The following PVR variants were observed in gnomAD, a reference collection of about 807,000 sequenced individuals.
PVR encodes the protein PVR cell adhesion molecule.
In PVR, 39 loss-of-function variants were observed where a neutral mutation model predicts 43.3. The observed-to-expected ratio is 0.90, with a 90% CI of 0.70 to 1.18. The LOEUF is 1.18. PVR is among the 50% of genes most tolerant of loss of function. The pLI is 0.00. For missense variants in PVR, 480 were observed against 549.7 expected (o/e 0.87, Z 1.27); for synonymous variants, 224 against 233.2 (o/e 0.96, Z 0.36).
intron 4 of PVR, among the ~76,000 whole-genome samples, chr19:44,656,212 T>C (rs890704850): frequency 6.6e-6 from 1 of 152,188 alleles, no homozygotes. Context: ...GTGGATGTCA[T>C]CAGTTATTTA....
At chr19:44,659,124 T>C in intron 6 of PVR, 1 of 461,078 alleles carries the variant, frequency 2.2e-6, no homozygotes, top group Non-Finnish European at 3.8e-6. Flanking sequence ...AATGCCATGG[T>C]AGGGACTTTG....
In PVR at chr19:44,666,131, T is replaced by C. The variant is rs1336025150; in HGVS notation, c.*4320T>C. 6.6e-6 allele frequency: 1 copy of C among 152,212 alleles called. No homozygotes were observed. Among genetic ancestry groups the C allele is most frequent in the African/African-American group, 2.4e-5 (1 of 41,442 alleles). The allele number at this position is 152,212 out of a possible 1,614,324, so 9.4% of individuals were successfully genotyped here. On this transcript the variant is annotated 3_prime_UTR_variant, in exon 8 of 8. Transcript: ENST00000425690. ...TAAGTACTGTCTACAAGTTCTGCAATAAACCTTGACTCTTCTTTTAATAAT... is the reference window on the plus strand; with the variant it reads ...TAAGTACTGTCTACAAGTTCTGCAACAAACCTTGACTCTTCTTTTAATAAT...
chr19:44,646,654 C>A (rs1973122079), intron 1 of PVR, among the ~76,000 whole-genome samples: 1 of 152,072 alleles, frequency 6.6e-6, no homozygotes. Flanking sequence ...AGCCTGTCAT[C>A]CCAGCTACGC....
At position 44,658,745 on chromosome 19, in the gene PVR, G is replaced by A. The variant is rs1973518998; in HGVS notation, c.995G>A (p.Gly332Glu). Residue 332 changes from glycine (G) to glutamate (E), a missense_variant, in exon 6 of 8, where the codon GGA (glycine) becomes GAA (glutamate). Coordinates refer to ENST00000425690, the MANE Select transcript of PVR (RefSeq NM_006505.5). ...TACCTGTTTCCTTCTCTTTCAGAGG[G>A]ACCTCCCAGTGAGCACTCAGGCATG... is the stretch of plus-strand genomic sequence containing the variant. ...QAELTVQVKEGPPSEHSGMSR... is the reference protein window; with the variant it reads ...QAELTVQVKEEPPSEHSGMSR... 2 of 1,604,836 alleles carry A rather than the reference G, an allele frequency of 1.2e-6. No individual in the cohort carries two copies. Among genetic ancestry groups the A allele is most frequent in the Admixed American group, 3.4e-5 (2 of 59,554 alleles).
chr19:44,649,766 AG>A, intron 2 of PVR, 42 bp from the exon 3 acceptor site: 1 of 1,598,792 alleles, frequency 6.3e-7, no homozygotes, highest in Non-Finnish European at 8.5e-7. Context: ...TCTGCCACGG[AG>A]GGGTTCATTG....
At position 44,665,309 on chromosome 19, in the gene PVR, T is replaced by A; in HGVS notation, c.*3498T>A. The A allele has an allele frequency of 6.6e-6, 1 of 152,076 alleles. No homozygotes were observed. The allele number at this position is 152,076 out of a possible 1,614,324, so 9.4% of individuals were successfully genotyped here. A position where few individuals can be genotyped will look rare whatever the true frequency, so the allele number is the denominator to read the frequency against. On this transcript the variant is annotated 3_prime_UTR_variant, in exon 8 of 8. Coordinates refer to ENST00000425690, the MANE Select transcript of PVR (RefSeq NM_006505.5). The stretch of plus-strand genomic sequence containing the variant: ...TCCCAGAAGCCTCTGGGTTGCAGAT[T>A]GCTTGGGGTGAAAATGTCTGTGCTA...
In PVR at chr19:44,654,566, G is replaced by A. The variant is rs912576859; in HGVS notation, c.842+549G>A. 9.2e-5 allele frequency among the ~76,000 whole-genome samples: 14 copies of A among 152,294 alleles called. 1 individual carries two copies. The highest frequency in any genetic ancestry group is 3.4e-4 in the African/African-American group (14 of 41,552). ...CCCGAATCCCATGTGACCCCATGCT[G>A]TGCACAGTCAGCAGCTGTTGCCCTG... On this transcript the variant is annotated intron_variant, in intron 4 of 7. Coordinates refer to ENST00000425690, the MANE Select transcript of PVR (RefSeq NM_006505.5).
At position 44,661,282 on chromosome 19, in the gene PVR, A is replaced by T; in HGVS notation, c.1151-10A>T. The T allele has an allele frequency of 6.2e-7, 1 of 1,612,716 alleles. No homozygotes were observed. The highest frequency in any genetic ancestry group is 8.5e-7 in the Non-Finnish European group (1 of 1,178,928). Reference sequence around the variant, plus strand: ...TTCCTTCCTGACGACTTCCCCTCCTATTTCCCCAGGTACAGAGCATGCCAG... The same window carrying T: ...TTCCTTCCTGACGACTTCCCCTCCTTTTTCCCCAGGTACAGAGCATGCCAG... On this transcript the variant is annotated splice_polypyrimidine_tract_variant and intron_variant, in intron 6 of 7. Coordinates refer to ENST00000425690, the MANE Select transcript of PVR (RefSeq NM_006505.5).
At position 44,644,082 on chromosome 19, in the gene PVR, C is replaced by T; in HGVS notation, c.-15C>T. The T allele has an allele frequency of 4.0e-6, 6 of 1,507,390 alleles. No individual in the cohort carries two copies. Among genetic ancestry groups the T allele is most frequent in the Non-Finnish European group, 5.3e-6 (6 of 1,134,578 alleles). The allele number at this position is 1,507,390 out of a possible 1,614,324, so 93.4% of individuals were successfully genotyped here. A position where few individuals can be genotyped will look rare whatever the true frequency, so the allele number is the denominator to read the frequency against. On this transcript the variant is annotated 5_prime_UTR_variant, in exon 1 of 8. Coordinates refer to ENST00000425690, the MANE Select transcript of PVR (RefSeq NM_006505.5). ...GAGACGCCCGCGGGAGGCCCAGCTG[C>T]TCGGAGCAACTGGCATGGCCCGAGC...
At chr19:44,645,380 G>C in intron 1 of PVR, among the ~76,000 whole-genome samples, 1 of 109,044 alleles carries the variant, frequency 9.2e-6, no homozygotes, top group African/African-American at 3.8e-5. Context: ...AGAGTAAATA[G>C]ATAACATATT....
intron 5 of PVR, 109 bp from the exon 6 acceptor site, chr19:44,658,633 T>A (rs575224099): frequency 1.0e-6 from 1 of 958,556 alleles, no homozygotes; most frequent in East Asian, 2.4e-5. Flanking sequence ...TTAAATAGAC[T>A]GAGGCAGTGG....
At chr19:44,650,820 C>A (rs1316787108) in intron 3 of PVR, among the ~76,000 whole-genome samples, 2 of 152,062 alleles carry the variant, frequency 1.3e-5, no homozygotes, top group Non-Finnish European at 2.9e-5. Context: ...GCCTCAGCCT[C>A]CCAAAGTATG....
At chr19:44,655,643 A>G (rs538010431) in intron 4 of PVR, among the ~76,000 whole-genome samples, 1 of 152,202 alleles carries the variant, frequency 6.6e-6, no homozygotes, top group Non-Finnish European at 1.5e-5. Flanking sequence ...GTCAAAGCAC[A>G]TAGATCCACA....
chr19:44,658,381 C>T (rs995247362), intron 5 of PVR, among the ~76,000 whole-genome samples: 17 of 152,202 alleles, frequency 1.1e-4, no homozygotes, highest in African/African-American at 3.9e-4. Flanking sequence ...GGCTCTGAAG[C>T]AAGATGGCCC....
chr19:44,662,223 A>G lies in PVR; in HGVS notation c.*412A>G. ...TGCAAGAAGTACTGCCAATACTGCC[A>G]ACCAGAGCAGCTCACTCGAGATCTT... On this transcript the variant is annotated 3_prime_UTR_variant, in exon 8 of 8. Transcript: ENST00000425690. 6.1e-5 allele frequency: 12 copies of G among 196,230 alleles called. No individual in the cohort carries two copies. The highest frequency in any genetic ancestry group is 3.4e-4 in the South Asian group (3 of 8,768). The allele number at this position is 196,230 out of a possible 1,614,324, so 12.2% of individuals were successfully genotyped here.
chr19:44,651,943 G>A (rs1312408732), intron 3 of PVR, among the ~76,000 whole-genome samples: 3 of 151,770 alleles, frequency 2.0e-5, no homozygotes, highest in Non-Finnish European at 2.9e-5. Flanking sequence ...ATCACCTGAG[G>A]TCAGGCATTC....
intron 5 of PVR, 61 bp downstream of exon 5, chr19:44,657,971 C>A: frequency 6.5e-7 from 1 of 1,541,056 alleles, no homozygotes; most frequent in East Asian, 2.3e-5. Context: ...GCAGGGTTCC[C>A]TGTCTAATGC....
chr19:44,650,765 G>A (rs941063029), intron 3 of PVR, among the ~76,000 whole-genome samples: 11 of 151,878 alleles, frequency 7.2e-5, no homozygotes, highest in African/African-American at 2.2e-4. Flanking sequence ...GTTTCATCAT[G>A]TTGGCCAGGC....
In PVR at chr19:44,645,415, GTATATATA is replaced by G. The variant is rs71171276; in HGVS notation, c.79+1263_79+1270del. Among the ~76,000 whole-genome samples, 297 of 83,818 alleles carry G rather than the reference GTATATATA, an allele frequency of 3.5e-3. 21 individuals are homozygous for G. The highest frequency in any genetic ancestry group is 0.015 in the African/African-American group (269 of 17,638). 55.0% of individuals were successfully genotyped at this position (83,818 alleles called of 152,430 possible). ...TTTATTATTTATTTATATGTTTTGT[GTATATATA>G]TATATATATATATATATATATAGTG... On this transcript the variant is annotated intron_variant, in intron 1 of 7. Coordinates refer to ENST00000425690, the MANE Select transcript of PVR (RefSeq NM_006505.5).
Sources: gnomAD v4.1 joint callset for allele counts (sites outside exome capture counted in the v4.1 genomes callset) on GRCh38, gnomAD v4.1.1 for gene constraint, MANE v1.5 for transcripts, NCBI Gene and HGNC (gene_info 2026-07-23, HGNC 2026-07-21) for gene names.